The following GRIN2B variants were observed in gnomAD, a reference collection of about 807,000 sequenced individuals.
GRIN2B encodes the protein glutamate ionotropic receptor NMDA type subunit 2B.
In GRIN2B, 5 loss-of-function variants were observed where a neutral mutation model predicts 114.5. The observed-to-expected ratio is 0.04, with a 90% CI of 0.02 to 0.09. GRIN2B has a LOEUF of 0.09. Among genes scored for constraint, GRIN2B ranks in the 10% least tolerant of loss-of-function variants. The probability of loss-of-function intolerance (pLI) is 1.00; values close to 1 mark genes in which losing one functional copy is unlikely to be tolerated. For synonymous variants in GRIN2B, 787 were observed against 745.1 expected, an observed-to-expected ratio of 1.06 and a Z score of -0.92; for missense variants, 1,108 against 1,943.5, an observed-to-expected ratio of 0.57 and a Z score of 8.08.
intron 2 of GRIN2B, among the ~76,000 whole-genome samples, chr12:13,878,592 A>G (rs1866026052): frequency 6.6e-6 from 1 of 152,212 alleles, no homozygotes; most frequent in Admixed American, 6.5e-5. Context: ...GAGTTCCACA[A>G]TAATACCTAT....
intron 3 of GRIN2B, among the ~76,000 whole-genome samples, chr12:13,815,763 TACTC>T (rs1389428124): frequency 1.3e-5 from 2 of 152,224 alleles, no homozygotes; most frequent in African/African-American, 4.8e-5. Context: ...GGGGTTAAAA[TACTC>T]ACGAATTTTC....
intron 10 of GRIN2B, among the ~76,000 whole-genome samples, chr12:13,576,217 C>T (rs942241316): frequency 6.6e-6 from 1 of 152,182 alleles, no homozygotes; most frequent in Non-Finnish European, 1.5e-5. Flanking sequence ...TCATGGAGAA[C>T]TGTTTAGGGA....
intron 3 of GRIN2B, among the ~76,000 whole-genome samples, chr12:13,813,820 A>C (rs934744814): frequency 6.6e-6 from 1 of 152,248 alleles, no homozygotes; most frequent in African/African-American, 2.4e-5. Flanking sequence ...ATCTCACAAA[A>C]CAAGTAATAA....
chr12:13,873,685 C>T (rs1394068001), intron 2 of GRIN2B, among the ~76,000 whole-genome samples: 2 of 152,182 alleles, frequency 1.3e-5, no homozygotes, highest in East Asian at 1.9e-4. Context: ...GGGGCTGAGA[C>T]TGTGCCCCTG....
intron 2 of GRIN2B, among the ~76,000 whole-genome samples, chr12:13,912,710 T>G (rs1866645300): frequency 6.6e-6 from 1 of 152,134 alleles, no homozygotes; most frequent in South Asian, 2.1e-4. Flanking sequence ...TGACTAGACC[T>G]TTAAGAGTCT....
chr12:13,863,544 G>A (rs2136743955), intron 3 of GRIN2B, among the ~76,000 whole-genome samples: 1 of 152,264 alleles, frequency 6.6e-6, no homozygotes, highest in Admixed American at 6.5e-5. Flanking sequence ...TTCCCCATCT[G>A]TAAGATAAAG....
rs1264890375 is a variant in GRIN2B at position 13,641,841 on chromosome 12, C to T, written c.1126-25184G>A. On this transcript the variant is annotated intron_variant, in intron 5 of 13. Coordinates refer to ENST00000609686, the MANE Select transcript of GRIN2B (RefSeq NM_000834.5). ...AGAATTTTTAACATTTTTGGCAATTCAAGGCTGTATTTCTATACAAGTGAA... is the reference window on the plus strand; with the variant it reads ...AGAATTTTTAACATTTTTGGCAATTTAAGGCTGTATTTCTATACAAGTGAA... 2.0e-5 allele frequency among the ~76,000 whole-genome samples: 3 copies of T among 152,084 alleles called. No homozygotes were observed. The East Asian group carries it at 5.8e-4, about 29-fold the overall frequency.
At chr12:13,929,221 C>A (rs1263528181) in intron 2 of GRIN2B, among the ~76,000 whole-genome samples, 2 of 152,114 alleles carry the variant, frequency 1.3e-5, no homozygotes, top group African/African-American at 4.8e-5. Context: ...AAATGGGAGA[C>A]CGGCATGGGT....
At position 13,784,223 on chromosome 12, in the gene GRIN2B, CAAAAAAAAAAAAAAAAAA is replaced by C. The variant is rs56197649; in HGVS notation, c.412-30326_412-30309del. ...TGGGCAACAGAGTGAGACTTCGCCT[CAAAAAAAAAAAAAAAAAA>C]AAAAAAAAAAAAAAAAAATCCCTTT... On this transcript the variant is annotated intron_variant, in intron 3 of 13. Transcript: ENST00000609686. Among the ~76,000 whole-genome samples the C allele has an allele frequency of 5.3e-3, 382 of 71,904 alleles. 3 individuals carry two copies. Among genetic ancestry groups the C allele is most frequent in the Middle Eastern group, 0.025 (3 of 118 alleles). 47.2% of individuals were successfully genotyped at this position (71,904 alleles called of 152,430 possible).
intron 4 of GRIN2B, among the ~76,000 whole-genome samples, chr12:13,729,561 C>G (rs1293143350): frequency 6.6e-6 from 1 of 151,850 alleles, no homozygotes; most frequent in Non-Finnish European, 1.5e-5. Flanking sequence ...GAGAATGGAG[C>G]CAAATGAATC....
At chr12:13,680,435 GTTGT>G (rs139909414) in intron 4 of GRIN2B, among the ~76,000 whole-genome samples, 2,640 of 116,428 alleles carry the variant, frequency 0.023, 45 homozygotes, top group African/African-American at 0.058. Flanking sequence ...TCCCATCAAG[GTTGT>G]GTGTGTGTGT....
At chr12:13,631,666 T>A (rs1007657722) in intron 5 of GRIN2B, among the ~76,000 whole-genome samples, 1 of 152,208 alleles carries the variant, frequency 6.6e-6, no homozygotes, top group African/African-American at 2.4e-5. Flanking sequence ...GGTCACATAA[T>A]TAATAAATGG....
At chr12:13,869,231 CTTTTTT>C (rs1158566763) in intron 2 of GRIN2B, among the ~76,000 whole-genome samples, 10 of 126,062 alleles carry the variant, frequency 7.9e-5, no homozygotes, top group East Asian at 6.7e-4. Context: ...TTTTCTTTTT[CTTTTTT>C]TTTCTTTTTT....
chr12:13,565,703 G>A (rs71457197), intron 13 of GRIN2B, among the ~76,000 whole-genome samples: 24 of 152,274 alleles, frequency 1.6e-4, no homozygotes, highest in Non-Finnish European at 2.8e-4. Context: ...TATAATGAAC[G>A]GGACTAATTT....
At chr12:13,613,317 C>T (rs766981753) in intron 8 of GRIN2B, among the ~76,000 whole-genome samples, 12 of 152,194 alleles carry the variant, frequency 7.9e-5, no homozygotes, top group East Asian at 3.8e-4. Flanking sequence ...CAAAATACAT[C>T]GTCTGTTTTG....
chr12:13,638,253 T>C (rs1949683284), intron 5 of GRIN2B, among the ~76,000 whole-genome samples: 1 of 152,144 alleles, frequency 6.6e-6, no homozygotes, highest in African/African-American at 2.4e-5. Flanking sequence ...TTCACACTAT[T>C]GTTCACAAGG....
intron 3 of GRIN2B, among the ~76,000 whole-genome samples, chr12:13,865,126 T>C (rs4378473): frequency 0.013 from 1,933 of 152,280 alleles, 40 homozygotes; most frequent in African/African-American, 0.045. Context: ...CTTTTTATAG[T>C]CTTGAAAACA....
chr12:13,858,106 T>C (rs1392179944), intron 3 of GRIN2B, among the ~76,000 whole-genome samples: 1 of 152,208 alleles, frequency 6.6e-6, no homozygotes, highest in Non-Finnish European at 1.5e-5. Context: ...AGTTAACCTC[T>C]CTGATCTATA....
intron 4 of GRIN2B, among the ~76,000 whole-genome samples, chr12:13,676,518 A>T (rs1362704027): frequency 6.6e-6 from 1 of 152,158 alleles, no homozygotes; most frequent in African/African-American, 2.4e-5. Context: ...GGGATAACTT[A>T]GGTTAACCAC....
Sources: gnomAD v4.1 joint callset for allele counts (sites outside exome capture counted in the v4.1 genomes callset) on GRCh38, gnomAD v4.1.1 for gene constraint, MANE v1.5 for transcripts, NCBI Gene and HGNC (gene_info 2026-07-23, HGNC 2026-07-21) for gene names.